The following AHNAK variants were observed in gnomAD, a reference collection of about 807,000 sequenced individuals.
The protein encoded by AHNAK is AHNAK nucleoprotein.
Under a neutral mutation model 37.8 loss-of-function variants are expected in AHNAK, and 23 were observed. That is an observed-to-expected ratio of 0.61 (90% CI 0.44 to 0.86). The LOEUF is 0.86. Ranked by LOEUF, AHNAK falls within the 40% of genes least tolerant of loss-of-function variation. The probability of loss-of-function intolerance (pLI) is 0.00; values close to 1 mark genes in which losing one functional copy is unlikely to be tolerated. For synonymous variants in AHNAK, 2,481 were observed against 2,636.3 expected (o/e 0.94, Z 1.80); for missense variants, 7,411 against 7,319.4 (o/e 1.01, Z -0.46).
At chr11:62,496,552 T>C (rs989300784) in intron 4 of AHNAK, among the ~76,000 whole-genome samples, 9 of 152,092 alleles carry the variant, frequency 5.9e-5, no homozygotes, top group Admixed American at 1.3e-4. Context: ...ATCCCAGCAC[T>C]TTGGGAGGCC....
chr11:62,520,033 C>T lies in AHNAK; in HGVS notation c.14384G>A (p.Gly4795Glu), dbSNP rs765457276. ...GCTCACATCCACATCTGGACCTTCT[C>T]CTTTGAAGCCAGGCATGCTGAATTT... ...MPKFSMPGFK[G>E]EGPDVDVSLP... The change falls in exon 5 of 5, where the codon GGA (glycine) becomes GAA (glutamate). Residue 4795 changes from glycine to glutamate, a missense_variant. Physicochemically the swap from Gly to Glu is moderately conservative, Grantham distance 98 (BLOSUM62 -2). Coordinates refer to ENST00000378024, the MANE Select transcript of AHNAK (RefSeq NM_001620.3). 6.8e-6 allele frequency: 11 copies of T among 1,613,350 alleles called. No individual in the cohort carries two copies. The highest frequency in any genetic ancestry group is 2.2e-5 in the South Asian group (2 of 91,032).
Position 62,517,686 on chromosome 11 carries a change from A to G in AHNAK, c.16731T>C (p.Ser5577=), listed in dbSNP as rs1168089348. Residue 5577 remains serine, a synonymous_variant, in exon 5 of 5, where the codon AGT becomes AGC. Transcript: ENST00000378024. ...CTTCACCAAGGCTGATGTCTGGGGC[A>G]CTGACACCCCCTGAAACATCCGCAC... ...KGGADVSGGV[S]APDISLGEGH... is the part of the protein sequence containing the mutation. 3.7e-6 allele frequency: 6 copies of G among 1,614,086 alleles called. No individual in the cohort carries two copies. The highest frequency in any genetic ancestry group is 5.1e-6 in the Non-Finnish European group (6 of 1,180,032).
At chr11:62,475,261 C>A (rs1276896749) in intron 5 of AHNAK, among the ~76,000 whole-genome samples, 2 of 152,122 alleles carry the variant, frequency 1.3e-5, no homozygotes, top group African/African-American at 2.4e-5. Context: ...CGAGATCGCA[C>A]CATTGCACTC....
intron 5 of AHNAK, among the ~76,000 whole-genome samples, chr11:62,456,888 G>T (rs1938670424): frequency 6.6e-6 from 1 of 152,124 alleles, no homozygotes; most frequent in Non-Finnish European, 1.5e-5. Flanking sequence ...TTGTCAGCAG[G>T]AATGAGCCCA....
At chr11:62,511,735 G>GA (rs1939917535), downstream of AHNAK, among the ~76,000 whole-genome samples, 1 of 151,972 alleles carries the variant, frequency 6.6e-6, no homozygotes, top group African/African-American at 2.4e-5. Flanking sequence ...TTATCAAACA[G>GA]AAAAAACGAG....
chr11:62,538,968 C>G (rs1941039049), intron 1 of AHNAK, among the ~76,000 whole-genome samples: 1 of 152,148 alleles, frequency 6.6e-6, no homozygotes, highest in South Asian at 2.1e-4. Flanking sequence ...AGACCCCAGC[C>G]CCCGACAGCC....
intron 5 of AHNAK, among the ~76,000 whole-genome samples, chr11:62,484,036 C>CA (rs56402861): frequency 0.75 from 59,040 of 78,230 alleles, 25,295 homozygotes; most frequent in Non-Finnish European, 0.93. Flanking sequence ...GACTCCATCT[C>CA]AAAAAAAAAA....
chr11:62,476,741 C>A (rs1441387079), intron 5 of AHNAK, among the ~76,000 whole-genome samples: 2 of 152,124 alleles, frequency 1.3e-5, no homozygotes, highest in Admixed American at 1.3e-4. Context: ...GGATTTTAAA[C>A]GACAACTGTC....
intron 4 of AHNAK, among the ~76,000 whole-genome samples, chr11:62,497,122 T>C: frequency 6.6e-6 from 1 of 152,102 alleles, no homozygotes; most frequent in Middle Eastern, 3.2e-3. Context: ...ATTCCTGAGG[T>C]ACAAGGAAAA....
chr11:62,489,549 G>A (rs1248931829), intron 5 of AHNAK, among the ~76,000 whole-genome samples: 1 of 152,204 alleles, frequency 6.6e-6, no homozygotes, highest in African/African-American at 2.4e-5. Context: ...GGAGGCGATT[G>A]TAGCAAATAA....
chr11:62,521,940 C>A lies in AHNAK; in HGVS notation c.12477G>T (p.Lys4159Asn). 1.2e-6 allele frequency: 2 copies of A among 1,613,028 alleles called. No homozygotes were observed. The highest frequency in any genetic ancestry group is 1.7e-6 in the Non-Finnish European group (2 of 1,179,794). The change falls in exon 5 of 5, where the codon AAG becomes AAT. Residue 4159 changes from lysine to asparagine, a missense_variant. Coordinates refer to ENST00000378024, the MANE Select transcript of AHNAK (RefSeq NM_001620.3). ...VSLPKVEGDL[K>N]GPEVDIKGPK... ...GGCCCTTGATGTCAACTTCAGGGCC[C>A]TTGAGGTCGCCTTCCACTTTGGGCA...
In AHNAK at chr11:62,527,671, G is replaced by A. The variant is rs1486262548; in HGVS notation, c.6746C>T (p.Pro2249Leu). ...WHLKMPKMKM[P>L]KFSMPGFKGE... Reference sequence around the variant, plus strand: ...TTTGAAGCCAGGCATGCTGAACTTGGGCATTTTCATCTTAGGCATCTTCAG... The same window carrying A: ...TTTGAAGCCAGGCATGCTGAACTTGAGCATTTTCATCTTAGGCATCTTCAG... The change falls in exon 5 of 5, where the codon CCC becomes CTC. Residue 2249 changes from proline (P) to leucine (L), a missense_variant. By Grantham distance (98) the Pro-to-Leu change is moderately conservative. Transcript: ENST00000378024. 1 of 1,613,792 alleles carries A rather than the reference G, an allele frequency of 6.2e-7. No individual in the cohort carries two copies. The highest frequency in any genetic ancestry group is 2.2e-5 in the East Asian group (1 of 44,844).
rs901335865 is a variant in AHNAK at position 62,542,700 on chromosome 11, G to A, written c.-100+3960C>T. On this transcript the variant is annotated intron_variant, in intron 1 of 4. Transcript: ENST00000378024. ...GACTCTGCAATCCTTGTGAAAGGGG[G>A]CTGGGGACAGCCTATGATCCAGTGG... Among the ~76,000 whole-genome samples, 11 of 152,310 alleles carry A rather than the reference G, an allele frequency of 7.2e-5. No individual in the cohort carries two copies. The East Asian group carries it at 9.6e-4, about 13-fold the overall frequency.
Position 62,461,543 on chromosome 11 carries a change from C to T in AHNAK, c.443-27652G>A, listed in dbSNP as rs191729794. 4.5e-4 allele frequency among the ~76,000 whole-genome samples: 69 copies of T among 152,180 alleles called. 1 individual carries two copies. The highest frequency in any genetic ancestry group is 4.4e-5 in the Non-Finnish European group (3 of 68,016). On this transcript the variant is annotated intron_variant, in intron 5 of 5. Coordinates refer to the AHNAK transcript ENST00000257247. The stretch of plus-strand genomic sequence containing the variant: ...GTCAGAGTCAATAGTTAGAGAAGGG[C>T]CAAGCCTAAGGATTTTAGAAGTAAT...
chr11:62,456,567 C>A (rs1938662655), intron 5 of AHNAK, among the ~76,000 whole-genome samples: 1 of 152,128 alleles, frequency 6.6e-6, no homozygotes, highest in Non-Finnish European at 1.5e-5. Flanking sequence ...ACCAGTTTGA[C>A]CCTGGTGGAC....
chr11:62,528,527 C>T lies in AHNAK; in HGVS notation c.5890G>A (p.Glu1964Lys), dbSNP rs142236078. 58 of 1,611,870 alleles carry T rather than the reference C, an allele frequency of 3.6e-5. No individual in the cohort carries two copies. The highest frequency in any genetic ancestry group is 4.5e-5 in the Non-Finnish European group (53 of 1,179,694). The change falls in exon 5 of 5, where the codon GAG becomes AAG. Residue 1964 changes from glutamate to lysine, a missense_variant. By Grantham distance (56) the Glu-to-Lys change is moderately conservative. Coordinates refer to ENST00000378024, the MANE Select transcript of AHNAK (RefSeq NM_001620.3). Reference protein sequence around the residue: ...PSVGVEVPDVELECPDAKLKG... With the variant: ...PSVGVEVPDVKLECPDAKLKG... ...AACTTTGCATCAGGACACTCCAGCT[C>T]AACATCAGGCACCTCCACACCCACA...
intron 5 of AHNAK, among the ~76,000 whole-genome samples, chr11:62,460,503 G>T (rs1209907027): frequency 6.6e-6 from 1 of 152,182 alleles, no homozygotes; most frequent in African/African-American, 2.4e-5. Context: ...ATAGTAGCAG[G>T]GGGCGGCTGG....
At chr11:62,509,613 T>G (rs1472297851) in intron 4 of AHNAK, among the ~76,000 whole-genome samples, 1 of 151,094 alleles carries the variant, frequency 6.6e-6, no homozygotes, top group African/African-American at 2.4e-5. Context: ...TCATCAACAA[T>G]TGAACCCCAA....
At chr11:62,539,646 A>C (rs1290811336) in intron 1 of AHNAK, among the ~76,000 whole-genome samples, 3 of 152,246 alleles carry the variant, frequency 2.0e-5, no homozygotes. Context: ...TTTGAGGCCC[A>C]GGACAGATGC....
Sources: gnomAD v4.1 joint callset for allele counts (sites outside exome capture counted in the v4.1 genomes callset) on GRCh38, gnomAD v4.1.1 for gene constraint, MANE v1.5 for transcripts, NCBI Gene and HGNC (gene_info 2026-07-23, HGNC 2026-07-21) for gene names.